Variants in SPATA16 observed in about 807,000 individuals in gnomAD.
SPATA16 encodes the protein spermatogenesis associated 16.
SPATA16 carries 36 observed loss-of-function variants against 63.3 expected under a neutral mutation model. The observed-to-expected ratio is 0.57, with a 90% CI of 0.44 to 0.75. The LOEUF is 0.75. SPATA16 is among the 30% of genes least tolerant of loss of function. The probability of loss-of-function intolerance (pLI) is 0.00; values close to 1 mark genes in which losing one functional copy is unlikely to be tolerated. For synonymous variants in SPATA16, 203 were observed against 216.7 expected, an observed-to-expected ratio of 0.94 and a Z score of 0.56; for missense variants, 646 against 679.3, an observed-to-expected ratio of 0.95 and a Z score of 0.54.
chr3:172,931,114 G>A (rs1030878949), intron 6 of SPATA16, among the ~76,000 whole-genome samples: 4 of 152,158 alleles, frequency 2.6e-5, no homozygotes, highest in African/African-American at 7.2e-5. Flanking sequence ...GTGAGCCACC[G>A]TGCTCGGCCT....
chr3:172,931,183 A>G (rs2109586902), intron 6 of SPATA16, among the ~76,000 whole-genome samples: 1 of 152,294 alleles, frequency 6.6e-6, no homozygotes, highest in Non-Finnish European at 1.5e-5. Flanking sequence ...TCATAGGGGC[A>G]TGTCTTAACA....
chr3:172,957,482 T>C (rs959551129), intron 5 of SPATA16, among the ~76,000 whole-genome samples: 3 of 152,302 alleles, frequency 2.0e-5, no homozygotes, highest in Admixed American at 6.5e-5. Flanking sequence ...CTGTTTTAAA[T>C]AGGTCCATTA....
chr3:173,113,039 C>A (rs927508328), intron 2 of SPATA16, among the ~76,000 whole-genome samples: 1 of 152,226 alleles, frequency 6.6e-6, no homozygotes, highest in African/African-American at 2.4e-5. Context: ...ATTACTGCAT[C>A]TTCTGTCCTT....
chr3:173,014,526 C>T (rs1226376185), intron 4 of SPATA16, among the ~76,000 whole-genome samples: 1 of 152,204 alleles, frequency 6.6e-6, no homozygotes, highest in Admixed American at 6.5e-5. Context: ...GCATCCCAAA[C>T]CTCAGTGTCA....
At chr3:172,973,460 G>A (rs1734090403) in intron 5 of SPATA16, among the ~76,000 whole-genome samples, 1 of 152,186 alleles carries the variant, frequency 6.6e-6, no homozygotes, top group Admixed American at 6.5e-5. Flanking sequence ...GATACAATTA[G>A]CTGTTACCTT....
chr3:172,969,943 C>T (rs1049862433), intron 5 of SPATA16, among the ~76,000 whole-genome samples: 5 of 152,220 alleles, frequency 3.3e-5, no homozygotes, highest in South Asian at 2.1e-4. Context: ...CAAAGGAGAG[C>T]GAAAGATCCG....
At chr3:172,929,908 C>T (rs1732829765) in intron 6 of SPATA16, among the ~76,000 whole-genome samples, 1 of 152,102 alleles carries the variant, frequency 6.6e-6, no homozygotes, top group Admixed American at 6.5e-5. Flanking sequence ...CTTCACCAGC[C>T]TATTATGAGG....
At chr3:173,014,447 G>A (rs970615216) in intron 4 of SPATA16, among the ~76,000 whole-genome samples, 10 of 152,156 alleles carry the variant, frequency 6.6e-5, no homozygotes, top group Admixed American at 5.9e-4. Context: ...GGGGAGAGAG[G>A]GAGGGGCGTA....
intron 5 of SPATA16, among the ~76,000 whole-genome samples, chr3:172,967,981 C>A (rs576172889): frequency 1.1e-4 from 16 of 152,242 alleles, no homozygotes; most frequent in African/African-American, 3.6e-4. Flanking sequence ...TTGAAACCAT[C>A]CCCCCACCCT....
At chr3:172,978,169 A>G (rs1244374689) in intron 4 of SPATA16, among the ~76,000 whole-genome samples, 8 of 151,650 alleles carry the variant, frequency 5.3e-5, no homozygotes, top group Non-Finnish European at 1.2e-4. Flanking sequence ...CTCTATATAT[A>G]TATATAAACA....
chr3:173,015,329 G>T (rs111313065), intron 4 of SPATA16, among the ~76,000 whole-genome samples: 3,187 of 152,264 alleles, frequency 0.021, 111 homozygotes, highest in African/African-American at 0.07. Flanking sequence ...CTCCCAAAGT[G>T]CTGGGATTAC....
In SPATA16 at chr3:173,117,756, G is replaced by C. The variant is rs200270757; in HGVS notation, c.-18-7C>G. 4.3e-6 allele frequency: 7 copies of C among 1,613,898 alleles called. No homozygotes were observed. The highest frequency in any genetic ancestry group is 5.9e-6 in the Non-Finnish European group (7 of 1,179,922). Reference sequence around the variant, plus strand: ...TCGATCCTGCCCAAAACTCCTGCAGGGGGGAGAAAAAGGAAAGTAATTAAG... The same window carrying C: ...TCGATCCTGCCCAAAACTCCTGCAGCGGGGAGAAAAAGGAAAGTAATTAAG... On this transcript the variant is annotated splice_polypyrimidine_tract_variant and splice_region_variant and intron_variant, in intron 1 of 10. Coordinates refer to ENST00000351008, the MANE Select transcript of SPATA16 (RefSeq NM_031955.6).
At chr3:173,097,195 C>A (rs1350654834) in intron 2 of SPATA16, among the ~76,000 whole-genome samples, 1 of 152,152 alleles carries the variant, frequency 6.6e-6, no homozygotes, top group Non-Finnish European at 1.5e-5. Context: ...CACACATAGT[C>A]ACTTAGTAGC....
At chr3:173,101,741 T>A (rs998465049) in intron 2 of SPATA16, among the ~76,000 whole-genome samples, 3 of 152,120 alleles carry the variant, frequency 2.0e-5, no homozygotes, top group Non-Finnish European at 4.4e-5. Flanking sequence ...TTGCTTAACC[T>A]CTCAAAACCT....
intron 4 of SPATA16, among the ~76,000 whole-genome samples, chr3:172,983,336 T>G (rs1434083783): frequency 6.6e-6 from 1 of 152,104 alleles, no homozygotes; most frequent in Non-Finnish European, 1.5e-5. Flanking sequence ...CTCTTTTTTT[T>G]TTTTTGCCAT....
chr3:173,115,353 TA>T, intron 2 of SPATA16, among the ~76,000 whole-genome samples: 1 of 152,326 alleles, frequency 6.6e-6, no homozygotes. Context: ...ATTATACCTT[TA>T]ACCCTCCCTG....
chr3:172,903,852 T>C (rs1577083064), intron 10 of SPATA16, among the ~76,000 whole-genome samples: 1 of 152,182 alleles, frequency 6.6e-6, no homozygotes, highest in African/African-American at 2.4e-5. Context: ...CAGCAAGCTG[T>C]GACCTAGTGA....
intron 4 of SPATA16, among the ~76,000 whole-genome samples, chr3:172,991,029 T>TGGAG (rs1734564455): frequency 1.3e-5 from 2 of 152,108 alleles, no homozygotes; most frequent in Non-Finnish European, 2.9e-5. Context: ...TCCATTCTCT[T>TGGAG]GTCATGACTG....
intron 2 of SPATA16, among the ~76,000 whole-genome samples, chr3:173,114,136 C>T (rs1370516854): frequency 2.7e-5 from 4 of 145,662 alleles, no homozygotes; most frequent in Non-Finnish European, 5.9e-5. Flanking sequence ...GCTGAGATTG[C>T]ACCACTGCAC....
Sources: allele counts gnomAD v4.1 joint callset (sites outside exome capture counted in the v4.1 genomes callset), GRCh38; gene constraint gnomAD v4.1.1; transcripts MANE v1.5; gene names NCBI Gene and HGNC (gene_info 2026-07-23, HGNC 2026-07-21).